Variants in RBMS1 observed in about 807,000 individuals in gnomAD.
RBMS1 encodes the protein RNA binding motif single stranded interacting protein 1.
Under a neutral mutation model 62.3 loss-of-function variants are expected in RBMS1, and 17 were observed. The observed-to-expected ratio is 0.27, with a 90% CI of 0.19 to 0.41. The LOEUF (loss-of-function observed/expected upper bound fraction) is 0.41, where lower values mean the gene tolerates loss of function less well. Ranked by LOEUF, RBMS1 falls within the 10% of genes least tolerant of loss-of-function variation. The pLI, the probability that RBMS1 is intolerant of heterozygous loss-of-function variation, is 1.00. For synonymous variants in RBMS1, 172 were observed against 170.0 expected (o/e 1.01, Z -0.09); for missense variants, 334 against 504.5 (o/e 0.66, Z 3.24).
intron 1 of RBMS1, among the ~76,000 whole-genome samples, chr2:160,458,707 G>A (rs61649531): frequency 3.3e-5 from 5 of 151,440 alleles, no homozygotes; most frequent in Non-Finnish European, 7.4e-5. Flanking sequence ...TGAGGCAGGA[G>A]AATCACTTGA....
At chr2:160,464,536 TTC>T (rs1192267256) in intron 1 of RBMS1, among the ~76,000 whole-genome samples, 1 of 152,208 alleles carries the variant, frequency 6.6e-6, no homozygotes, top group Non-Finnish European at 1.5e-5. Flanking sequence ...AGGCAATATT[TTC>T]TTTTATTAAA....
intron 2 of RBMS1, 88 bp from the exon 3 acceptor site, chr2:160,318,315 G>C: frequency 7.2e-7 from 1 of 1,390,652 alleles, no homozygotes; most frequent in East Asian, 2.8e-5. Flanking sequence ...TAAATCCAAA[G>C]AACACACATT....
chr2:160,402,702 G>C (rs1695501493), intron 1 of RBMS1, among the ~76,000 whole-genome samples: 1 of 152,196 alleles, frequency 6.6e-6, no homozygotes, highest in South Asian at 2.1e-4. Context: ...GGCCACAGCT[G>C]TTCTTGACGG....
chr2:160,484,004 T>C (rs1324755783), intron 1 of RBMS1, among the ~76,000 whole-genome samples: 2 of 1,718 alleles, frequency 1.2e-3, no homozygotes, highest in African/African-American at 1.3e-3. Flanking sequence ...ATAAAATTCT[T>C]TTTTTTTTTT....
intron 1 of RBMS1, among the ~76,000 whole-genome samples, chr2:160,396,930 C>T (rs183736638): frequency 6.6e-6 from 1 of 152,256 alleles, no homozygotes; most frequent in Non-Finnish European, 1.5e-5. Context: ...TTCCCCTAGG[C>T]GGAAGGATCT....
chr2:160,297,229 CT>C (rs1055915993), intron 6 of RBMS1, among the ~76,000 whole-genome samples: 1 of 152,090 alleles, frequency 6.6e-6, no homozygotes, highest in African/African-American at 2.4e-5. Context: ...GTGTATGTGG[CT>C]TTTTTTCTTT....
chr2:160,408,872 AC>A (rs1214453463), intron 1 of RBMS1, among the ~76,000 whole-genome samples: 1 of 152,182 alleles, frequency 6.6e-6, no homozygotes, highest in Non-Finnish European at 1.5e-5. Context: ...GCCATCCTTC[AC>A]ATTGGCCTGT....
At chr2:160,289,729 G>A (rs995139675) in intron 6 of RBMS1, among the ~76,000 whole-genome samples, 4 of 152,066 alleles carry the variant, frequency 2.6e-5, no homozygotes, top group Non-Finnish European at 2.9e-5. Context: ...CAATAAAAAT[G>A]CTAACCAGAA....
intron 1 of RBMS1, among the ~76,000 whole-genome samples, chr2:160,469,761 G>A (rs1455186201): frequency 6.6e-6 from 1 of 152,168 alleles, no homozygotes; most frequent in East Asian, 1.9e-4. Context: ...AGAATTACAG[G>A]GCAGACTCAT....
At chr2:160,373,353 TA>T (rs1263339609) in intron 1 of RBMS1, among the ~76,000 whole-genome samples, 1 of 152,198 alleles carries the variant, frequency 6.6e-6, no homozygotes, top group Non-Finnish European at 1.5e-5. Flanking sequence ...ATAAAAGAAT[TA>T]AAGTTAAGAC....
At chr2:160,447,376 A>G (rs994350883) in intron 1 of RBMS1, among the ~76,000 whole-genome samples, 2 of 152,244 alleles carry the variant, frequency 1.3e-5, no homozygotes, top group African/African-American at 2.4e-5. Flanking sequence ...AAAGAAGCTA[A>G]GAAATGGAGC....
At chr2:160,398,399 C>T (rs746880199) in intron 1 of RBMS1, among the ~76,000 whole-genome samples, 12 of 152,256 alleles carry the variant, frequency 7.9e-5, no homozygotes, top group Non-Finnish European at 1.3e-4. Flanking sequence ...AGGACAAACA[C>T]GAAAATCCAT....
At chr2:160,292,590 G>A (rs1005747735) in intron 6 of RBMS1, among the ~76,000 whole-genome samples, 8 of 152,188 alleles carry the variant, frequency 5.3e-5, no homozygotes, top group Non-Finnish European at 1.5e-5. Context: ...TAAGGATAAA[G>A]TTACTGGTCA....
rs1693450674 is a variant in RBMS1, at chr2:160,367,273, T to C, written c.194A>G (p.Tyr65Cys). 1.9e-6 allele frequency: 3 copies of C among 1,613,998 alleles called. No homozygotes were observed. Among genetic ancestry groups the C allele is most frequent in the African/African-American group, 1.3e-5 (1 of 74,994 alleles). ...GWDQLSKTNL[Y>C]IRGLPPHTTD... ...GGTGTGGGGAGGCAGTCCTCGGATA[T>C]AGAGGTTCGTTTTGCTGAGCTGATC... Residue 65 changes from tyrosine to cysteine, a missense_variant, in exon 2 of 14, where the codon TAT (tyrosine) becomes TGT (cysteine). This residue lies in a region of RBMS1 where 150 missense variants were observed against 228.0 expected (regional missense o/e 0.66). Coordinates refer to ENST00000348849, the MANE Select transcript of RBMS1 (RefSeq NM_016836.4).
chr2:160,370,572 C>T (rs1048317027), intron 1 of RBMS1, among the ~76,000 whole-genome samples: 14 of 152,240 alleles, frequency 9.2e-5, no homozygotes, highest in Non-Finnish European at 1.9e-4. Flanking sequence ...ATTAGGAAAC[C>T]GAGTCTCAAA....
intron 6 of RBMS1, among the ~76,000 whole-genome samples, chr2:160,289,583 G>C (rs937271917): frequency 2.0e-5 from 3 of 152,148 alleles, no homozygotes; most frequent in African/African-American, 7.2e-5. Flanking sequence ...AAGAGCTGGG[G>C]ATACAGTGGT....
intron 2 of RBMS1, among the ~76,000 whole-genome samples, chr2:160,345,856 G>C (rs375603867): frequency 3.3e-5 from 5 of 152,040 alleles, no homozygotes; most frequent in African/African-American, 1.2e-4. Context: ...TATAACGCTA[G>C]ATTTAAAACT....
In RBMS1 at chr2:160,493,542, TTCCTCC is replaced by T. The variant is rs925937562; in HGVS notation, c.-185_-180del. ...AGACGTCCTCCTCCTCCTCCTCCTC[TTCCTCC>T]TCCTCCTCCTCCTCCTCCTCCTCTT... On this transcript the variant is annotated 5_prime_UTR_variant, in exon 1 of 14. Coordinates refer to ENST00000348849, the MANE Select transcript of RBMS1 (RefSeq NM_016836.4). 2.2e-3 allele frequency: 1,096 copies of T among 494,572 alleles called. No individual in the cohort carries two copies. Among genetic ancestry groups the T allele is most frequent in the Middle Eastern group, 5.5e-3 (10 of 1,816 alleles). The allele number at this position is 494,572 out of a possible 1,614,324, so 30.6% of individuals were successfully genotyped here.
intron 1 of RBMS1, among the ~76,000 whole-genome samples, chr2:160,483,292 G>C (rs1685445933): frequency 6.6e-6 from 1 of 151,842 alleles, no homozygotes; most frequent in Admixed American, 6.6e-5. Context: ...TTTTAGTATG[G>C]GTTAAGAAAA....
Sources: allele counts gnomAD v4.1 joint callset (sites outside exome capture counted in the v4.1 genomes callset), GRCh38; gene constraint gnomAD v4.1.1; regional missense constraint gnomAD v4.1.1; transcripts MANE v1.5; gene names NCBI Gene and HGNC (gene_info 2026-07-23, HGNC 2026-07-21).